SURF6: variants seen among roughly 807,000 people sequenced by gnomAD.
The protein encoded by SURF6 is surfeit locus protein 6.
SURF6 carries 28 observed loss-of-function variants against 37.5 expected under a neutral mutation model. The ratio of observed to expected loss-of-function variants is 0.75; its 90% confidence interval spans 0.55 to 1.02. SURF6 has a LOEUF of 1.02. SURF6 is among the 50% of genes least tolerant of loss of function. The pLI is 0.00. For missense variants in SURF6, 560 were observed against 490.5 expected, an observed-to-expected ratio of 1.14 and a Z score of -1.34; for synonymous variants, 248 against 210.9, an observed-to-expected ratio of 1.18 and a Z score of -1.52.
At position 133,330,382 on chromosome 9, in the gene SURF6, T is replaced by C. The variant is rs1835694227; in HGVS notation, c.*1487A>G. 6.6e-6 allele frequency: 1 copy of C among 152,014 alleles called. No individual in the cohort carries two copies. The highest frequency in any genetic ancestry group is 1.5e-5 in the Non-Finnish European group (1 of 68,000). The allele number at this position is 152,014 out of a possible 1,614,324, so 9.4% of individuals were successfully genotyped here. A position where few individuals can be genotyped will look rare whatever the true frequency, so the allele number is the denominator to read the frequency against. On this transcript the variant is annotated 3_prime_UTR_variant, in exon 5 of 5. Transcript: ENST00000372022. ...CTCCCAAGCAGCTGGGACTACAGGT[T>C]TGCACCACCACACCCAGCTAATTTT...
intron 3 of SURF6, 117 bp from the exon 4 acceptor site, chr9:133,332,877 A>C: frequency 3.0e-6 from 3 of 995,930 alleles, no homozygotes; most frequent in Non-Finnish European, 4.4e-6. Context: ...TCACGCAAAC[A>C]AGGGGCCCGC....
chr9:133,331,664 G>T lies in SURF6; in HGVS notation c.*205C>A. 1 of 637,664 alleles carries T rather than the reference G, an allele frequency of 1.6e-6. No individual in the cohort carries two copies. The highest frequency in any genetic ancestry group is 3.4e-5 in the East Asian group (1 of 29,554). 39.5% of individuals were successfully genotyped at this position (637,664 alleles called of 1,614,324 possible). ...CCTGGGTCTGAAGGTCCCGGATCCTGCGTTCAAGGATGACGCTGAAACTCT... is the reference window on the plus strand; with the variant it reads ...CCTGGGTCTGAAGGTCCCGGATCCTTCGTTCAAGGATGACGCTGAAACTCT... On this transcript the variant is annotated 3_prime_UTR_variant, in exon 5 of 5. Transcript: ENST00000372022.
chr9:133,332,111 TC>T lies in SURF6; in HGVS notation c.843del (p.Ile282SerfsTer12). 6.2e-7 allele frequency: 1 copy of T among 1,610,144 alleles called. No individual in the cohort carries two copies. The highest frequency in any genetic ancestry group is 8.5e-7 in the Non-Finnish European group (1 of 1,179,928). ...TNLLYKAEGV[K>X]IRDDERLLQE... ...TGCAGCAGGCGTTCGTCGTCACGGATCTTCACGCCCTCCGCCTTGTAGAGGA... is the reference window on the plus strand; with the variant it reads ...TGCAGCAGGCGTTCGTCGTCACGGATTTCACGCCCTCCGCCTTGTAGAGGA... On this transcript the variant is annotated frameshift_variant, in exon 5 of 5. Coordinates refer to ENST00000372022, the MANE Select transcript of SURF6 (RefSeq NM_006753.6). LOFTEE classifies it high-confidence loss of function.
At chr9:133,335,422 A>ATC (rs1318795624) in intron 1 of SURF6, among the ~76,000 whole-genome samples, 1 of 152,140 alleles carries the variant, frequency 6.6e-6, no homozygotes, top group African/African-American at 2.4e-5. Flanking sequence ...TAACCAATAT[A>ATC]TCGTCCTTGA....
chr9:133,331,924 G>A lies in SURF6; in HGVS notation c.1031C>T (p.Ala344Val), dbSNP rs2129912674. 2.5e-6 allele frequency: 4 copies of A among 1,574,988 alleles called. No individual in the cohort carries two copies. Among genetic ancestry groups the A allele is most frequent in the East Asian group, 2.2e-5 (1 of 44,570 alleles). ...CGGCAGGATGCGGCCCTTCTTGCGGGCTCTGAGCAGGCGGCGCTCGGCGCG... is the reference window on the plus strand; with the variant it reads ...CGGCAGGATGCGGCCCTTCTTGCGGACTCTGAGCAGGCGGCGCTCGGCGCG... ...AARAERRLLR[A>V]RKKGRILPQD... is the part of the protein sequence containing the mutation. The change falls in exon 5 of 5, where the codon GCC (alanine) becomes GTC (valine). Residue 344 changes from alanine to valine, a missense_variant. Coordinates refer to ENST00000372022, the MANE Select transcript of SURF6 (RefSeq NM_006753.6).
Position 133,331,596 on chromosome 9 carries a change from G to A in SURF6, c.*273C>T, listed in dbSNP as rs1835727890. 1 of 404,410 alleles carries A rather than the reference G, an allele frequency of 2.5e-6. No homozygotes were observed. The highest frequency in any genetic ancestry group is 2.1e-5 in the African/African-American group (1 of 48,512). 25.1% of individuals were successfully genotyped at this position (404,410 alleles called of 1,614,324 possible). On this transcript the variant is annotated 3_prime_UTR_variant, in exon 5 of 5. Coordinates refer to ENST00000372022, the MANE Select transcript of SURF6 (RefSeq NM_006753.6). Reference sequence around the variant, plus strand: ...CCTGCAAACCTCGGGGAAGCTTTCAGGCCCGGGAAAGCAGACCAGGCCCCA... The same window carrying A: ...CCTGCAAACCTCGGGGAAGCTTTCAAGCCCGGGAAAGCAGACCAGGCCCCA...
rs149635973 is a variant in SURF6 at position 133,330,263 on chromosome 9, G to C, written c.*1606C>G. 6.6e-6 allele frequency: 1 copy of C among 152,246 alleles called. No individual in the cohort carries two copies. The highest frequency in any genetic ancestry group is 1.9e-4 in the East Asian group (1 of 5,182). 9.4% of individuals were successfully genotyped at this position (152,246 alleles called of 1,614,324 possible). A position where few individuals can be genotyped will look rare whatever the true frequency, so the allele number is the denominator to read the frequency against. ...TCTTAAATTTTTTCTTTTTGAGACA[G>C]TCTTGCTCTGTCACCCAGGCTGGAG... On this transcript the variant is annotated 3_prime_UTR_variant, in exon 5 of 5. Coordinates refer to ENST00000372022, the MANE Select transcript of SURF6 (RefSeq NM_006753.6).
At position 133,331,639 on chromosome 9, in the gene SURF6, C is replaced by T. The variant is rs1277547586; in HGVS notation, c.*230G>A. On this transcript the variant is annotated 3_prime_UTR_variant, in exon 5 of 5. Coordinates refer to ENST00000372022, the MANE Select transcript of SURF6 (RefSeq NM_006753.6). ...AGGCCCCAGTCTCCCTCACCCTTTCCCTGGGTCTGAAGGTCCCGGATCCTG... is the reference window on the plus strand; with the variant it reads ...AGGCCCCAGTCTCCCTCACCCTTTCTCTGGGTCTGAAGGTCCCGGATCCTG... 5.8e-6 allele frequency: 3 copies of T among 514,614 alleles called. No individual in the cohort carries two copies. The highest frequency in any genetic ancestry group is 9.1e-6 in the Non-Finnish European group (3 of 328,144). 31.9% of individuals were successfully genotyped at this position (514,614 alleles called of 1,614,324 possible). A position where few individuals can be genotyped will look rare whatever the true frequency, so the allele number is the denominator to read the frequency against.
rs2129913359 is a variant in SURF6, at chr9:133,331,970, G to A, written c.985C>T (p.Leu329=). 4.2e-4 allele frequency: 676 copies of A among 1,596,064 alleles called. 10 individuals carry two copies. In the South Asian group the frequency reaches 6.6e-3, roughly 16 times the overall value. The part of the protein sequence containing the change: ...QQRQDRRRQN[L]RRKKAARAER... The stretch of plus-strand genomic sequence containing the variant: ...GCGCGGGCCGCCTTCTTCCTGCGCA[G>A]GTTCTGCCGCCGCCGGTCCTGGCGC... The change falls in exon 5 of 5, where the codon CTG becomes TTG. Residue 329 remains leucine, a synonymous_variant. Coordinates refer to ENST00000372022, the MANE Select transcript of SURF6 (RefSeq NM_006753.6).
chr9:133,335,058 C>A (rs2129929805), intron 1 of SURF6, among the ~76,000 whole-genome samples: 1 of 152,196 alleles, frequency 6.6e-6, no homozygotes, highest in African/African-American at 2.4e-5. Context: ...TTCTCGAGTT[C>A]AAGCGATTCT....
In SURF6 at chr9:133,336,169, C is replaced by T. The variant is rs2129934896; in HGVS notation, c.-37G>A. ...GGGCCGTTCACGACTCACACCTTCC[C>T]CGCTGCGCGTGCGACTCTCACCACC... is the stretch of plus-strand genomic sequence containing the variant. On this transcript the variant is annotated 5_prime_UTR_variant, in exon 1 of 5. Coordinates refer to ENST00000372022, the MANE Select transcript of SURF6 (RefSeq NM_006753.6). The T allele has an allele frequency of 1.9e-6, 3 of 1,566,152 alleles. No homozygotes were observed. The highest frequency in any genetic ancestry group is 2.6e-6 in the Non-Finnish European group (3 of 1,150,996).
rs933084096 is a variant in SURF6 at position 133,329,538 on chromosome 9, G to A, written c.*2331C>T. 5.1e-6 allele frequency: 1 copy of A among 194,840 alleles called. No individual in the cohort carries two copies. The highest frequency in any genetic ancestry group is 1.1e-5 in the Non-Finnish European group (1 of 93,946). 12.1% of individuals were successfully genotyped at this position (194,840 alleles called of 1,614,324 possible). Reference sequence around the variant, plus strand: ...CCGCTAGACCAAGGAGCCCTCTGGTGGCCCTGTCCGGGCATAACAGAAGGC... The same window carrying A: ...CCGCTAGACCAAGGAGCCCTCTGGTAGCCCTGTCCGGGCATAACAGAAGGC... On this transcript the variant is annotated 3_prime_UTR_variant, in exon 5 of 5. Coordinates refer to ENST00000372022, the MANE Select transcript of SURF6 (RefSeq NM_006753.6).
intron 2 of SURF6, 114 bp downstream of exon 2, chr9:133,334,278 G>A (rs1835817728): frequency 5.3e-6 from 5 of 940,592 alleles, no homozygotes; most frequent in Non-Finnish European, 7.8e-6. Context: ...GAAGTCTCGT[G>A]CTATCCCTGT....
rs2129927498 is a variant in SURF6 at position 133,334,471 on chromosome 9, T to G, written c.225A>C (p.Pro75=). 1 of 1,614,140 alleles carries G rather than the reference T, an allele frequency of 6.2e-7. No individual in the cohort carries two copies. The highest frequency in any genetic ancestry group is 8.5e-7 in the Non-Finnish European group (1 of 1,180,054). Residue 75 remains proline, a synonymous_variant, in exon 2 of 5, where the codon CCA becomes CCC. Transcript: ENST00000372022. The part of the protein sequence containing the change: ...HKAKSLGEKS[P]AASGARRPEA... ...CAGGCCTCCTGGCCCCAGAGGCTGC[T>G]GGAGATTTCTCCCCCAAGGACTTGG... is the stretch of plus-strand genomic sequence containing the variant.
chr9:133,336,173 T>C lies in SURF6; in HGVS notation c.-41A>G. On this transcript the variant is annotated 5_prime_UTR_variant, in exon 1 of 5. Coordinates refer to ENST00000372022, the MANE Select transcript of SURF6 (RefSeq NM_006753.6). ...CGTTCACGACTCACACCTTCCCCGC[T>C]GCGCGTGCGACTCTCACCACCTCCG... 1.3e-6 allele frequency: 2 copies of C among 1,555,220 alleles called. No homozygotes were observed. Among genetic ancestry groups the C allele is most frequent in the Non-Finnish European group, 1.8e-6 (2 of 1,142,614 alleles).
At chr9:133,335,079 C>T (rs919304366) in intron 1 of SURF6, among the ~76,000 whole-genome samples, 1 of 152,172 alleles carries the variant, frequency 6.6e-6, no homozygotes, top group African/African-American at 2.4e-5. Context: ...CTTGCCTCAG[C>T]CTCCGGAGTA....
rs1835706897 is a variant in SURF6 at position 133,330,829 on chromosome 9, T to C, written c.*1040A>G. On this transcript the variant is annotated 3_prime_UTR_variant, in exon 5 of 5. Coordinates refer to ENST00000372022, the MANE Select transcript of SURF6 (RefSeq NM_006753.6). Reference sequence around the variant, plus strand: ...AGTAGGTGGTCAGTTTCCATCCATGTTCCATATATGCATGGAAAGAGTATG... The same window carrying C: ...AGTAGGTGGTCAGTTTCCATCCATGCTCCATATATGCATGGAAAGAGTATG... 2 of 152,214 alleles carry C rather than the reference T, an allele frequency of 1.3e-5. 1 individual carries two copies. The highest frequency in any genetic ancestry group is 1.3e-4 in the Admixed American group (2 of 15,276). The allele number at this position is 152,214 out of a possible 1,614,324, so 9.4% of individuals were successfully genotyped here.
At chr9:133,333,690 C>T (rs2129924180) in intron 3 of SURF6, 28 bp downstream of exon 3, 9 of 1,606,536 alleles carry the variant, frequency 5.6e-6, no homozygotes, top group East Asian at 2.2e-5. Context: ...AGAGCAGTGA[C>T]GGCACTCCAG....
chr9:133,335,920 G>T, intron 1 of SURF6, 119 bp downstream of exon 1: 2 of 774,914 alleles, frequency 2.6e-6, no homozygotes, highest in Non-Finnish European at 2.0e-6. Context: ...GGGAAACGGC[G>T]ATAATTTCAC....
Sources: allele counts gnomAD v4.1 joint callset (sites outside exome capture counted in the v4.1 genomes callset), GRCh38; gene constraint gnomAD v4.1.1; transcripts MANE v1.5; gene names NCBI Gene and HGNC (gene_info 2026-07-23, HGNC 2026-07-21).